Variants in KIF26B observed in about 807,000 individuals in gnomAD.
KIF26B encodes the protein kinesin family member 26B.
A neutral mutation model predicts 151.2 loss-of-function variants in KIF26B; 63 were observed. That is an observed-to-expected ratio of 0.42 (90% CI 0.34 to 0.51). The LOEUF (loss-of-function observed/expected upper bound fraction) is 0.51. Among genes scored for constraint, KIF26B ranks in the 20% least tolerant of loss-of-function variants. KIF26B has a pLI of 0.07. For synonymous variants in KIF26B, 1,357 were observed against 1,262.1 expected, an observed-to-expected ratio of 1.08 and a Z score of -1.59; for missense variants, 2,813 against 2,913.6, an observed-to-expected ratio of 0.97 and a Z score of 0.79.
In KIF26B at chr1:245,687,912, C is replaced by T. The variant is rs1195658209; in HGVS notation, c.4929C>T (p.Gly1643=). 2.5e-6 allele frequency: 4 copies of T among 1,593,232 alleles called. No individual in the cohort carries two copies. The highest frequency in any genetic ancestry group is 1.1e-5 in the South Asian group (1 of 87,498). ...FPAGLPDEPS[G]KTKDASSSSK... is the part of the protein sequence containing the mutation. Reference sequence around the variant, plus strand: ...CGGGCCTCCCAGACGAGCCTAGCGGCAAGACGAAGGACGCCAGCAGCAGCA... The same window carrying T: ...CGGGCCTCCCAGACGAGCCTAGCGGTAAGACGAAGGACGCCAGCAGCAGCA... Residue 1643 remains glycine (G), a synonymous_variant, in exon 12 of 15, where the codon GGC becomes GGT. Transcript: ENST00000407071. This position sits in a 1 kb window ranked among gnomAD's most constrained non-coding sequence, Gnocchi z 4.9.
At chr1:245,682,944 C>T (rs1024907991) in intron 10 of KIF26B, among the ~76,000 whole-genome samples, 7 of 152,190 alleles carry the variant, frequency 4.6e-5, no homozygotes, top group East Asian at 3.8e-4. Context: ...TCCCTTACCT[C>T]GCCACGTTCA....
At chr1:245,204,653 C>T (rs979875786) in intron 2 of KIF26B, among the ~76,000 whole-genome samples, 3 of 152,044 alleles carry the variant, frequency 2.0e-5, no homozygotes, top group African/African-American at 2.4e-5. Context: ...GGATTACAGG[C>T]GTGAGCCACC....
chr1:245,638,365 C>G (rs2153601), intron 9 of KIF26B, among the ~76,000 whole-genome samples: 1 of 151,834 alleles, frequency 6.6e-6, no homozygotes, highest in East Asian at 1.9e-4. Context: ...TTTATCAGTT[C>G]TAAAAGTTTT....
rs902351567 is a variant in KIF26B at position 245,601,246 on chromosome 1, C to T, written c.1351-1331C>T. On this transcript the variant is annotated intron_variant, in intron 5 of 14. Transcript: ENST00000407071. This position sits in a 1 kb window ranked among gnomAD's most constrained non-coding sequence, Gnocchi z 4.4. Reference sequence around the variant, plus strand: ...TTCTTAAGTTAGAAGGCAAGCACAGCGGGGACACGGTGCAGGACACCTGCG... The same window carrying T: ...TTCTTAAGTTAGAAGGCAAGCACAGTGGGGACACGGTGCAGGACACCTGCG... 6.6e-6 allele frequency among the ~76,000 whole-genome samples: 1 copy of T among 152,128 alleles called. No individual in the cohort carries two copies. The highest frequency in any genetic ancestry group is 1.5e-5 in the Non-Finnish European group (1 of 68,020).
intron 9 of KIF26B, among the ~76,000 whole-genome samples, chr1:245,633,289 T>G (rs1370563756): frequency 6.6e-6 from 1 of 151,772 alleles, no homozygotes; most frequent in East Asian, 1.9e-4. Context: ...TCTTTTTTTT[T>G]TTTTTAAATA....
intron 4 of KIF26B, among the ~76,000 whole-genome samples, chr1:245,471,131 G>GTGTACA (rs138483670): frequency 6.7e-6 from 1 of 149,334 alleles, no homozygotes; most frequent in Non-Finnish European, 1.5e-5. Flanking sequence ...GTGTGTGTGT[G>GTGTACA]TATATATATA....
At chr1:245,542,330 G>GCCACAT (rs1299070610) in intron 5 of KIF26B, among the ~76,000 whole-genome samples, 1 of 152,254 alleles carries the variant, frequency 6.6e-6, no homozygotes, top group South Asian at 2.1e-4. Context: ...TCTAGCCTGG[G>GCCACAT]CCACAGAGTG....
intron 4 of KIF26B, among the ~76,000 whole-genome samples, chr1:245,489,807 C>G (rs2103073242): frequency 6.6e-6 from 1 of 152,278 alleles, no homozygotes; most frequent in African/African-American, 2.4e-5. Flanking sequence ...TTCTACTATT[C>G]ACAATAATAG....
intron 7 of KIF26B, 69 bp downstream of exon 7, chr1:245,607,813 C>T: frequency 8.0e-7 from 1 of 1,243,978 alleles, no homozygotes; most frequent in Admixed American, 2.0e-5. Flanking sequence ...TCCTCTGTCT[C>T]CCTCCCAGAG....
chr1:245,341,530 C>T lies in KIF26B; in HGVS notation c.466-25304C>T, dbSNP rs544561025. On this transcript the variant is annotated intron_variant, in intron 2 of 14. Coordinates refer to ENST00000407071, the MANE Select transcript of KIF26B (RefSeq NM_018012.4). ...AGAGACAAGATCTCACTAGGTTGCC[C>T]GGGCTGGTCTCAAACTCCTGGGCTC... 7.0e-4 allele frequency among the ~76,000 whole-genome samples: 106 copies of T among 152,010 alleles called. No homozygotes were observed. The South Asian group carries it at 0.02, about 29-fold the overall frequency.
At chr1:245,420,061 G>A (rs930094877) in intron 4 of KIF26B, among the ~76,000 whole-genome samples, 8 of 152,134 alleles carry the variant, frequency 5.3e-5, no homozygotes, top group East Asian at 1.9e-4. Flanking sequence ...GTCGAGAGTC[G>A]CTGCTCTCTT....
At chr1:245,402,376 T>C (rs482212) in intron 3 of KIF26B, among the ~76,000 whole-genome samples, 82,669 of 152,062 alleles carry the variant, frequency 0.54, 23,296 homozygotes, top group South Asian at 0.69. Context: ...GCAGGCTCGC[T>C]GGATACAGAG....
intron 2 of KIF26B, among the ~76,000 whole-genome samples, chr1:245,162,375 C>CTTTTTTTTTTTTT (rs138853411): frequency 1.3e-5 from 1 of 76,494 alleles, no homozygotes; most frequent in African/African-American, 5.1e-5. Flanking sequence ...TCAGAAATAT[C>CTTTTTTTTTTTTT]TTTTTTTTTT....
At chr1:245,648,390 T>TA (rs1269864155) in intron 10 of KIF26B, among the ~76,000 whole-genome samples, 2 of 152,172 alleles carry the variant, frequency 1.3e-5, no homozygotes, top group African/African-American at 4.8e-5. Flanking sequence ...GGCTCACACC[T>TA]ATATTCCTGG....
rs541761248 is a variant in KIF26B at position 245,688,303 on chromosome 1, C to T, written c.5320C>T (p.Pro1774Ser). 8.8e-6 allele frequency: 14 copies of T among 1,595,580 alleles called. 1 individual carries two copies. Among genetic ancestry groups the T allele is most frequent in the South Asian group, 7.7e-5 (7 of 90,496 alleles). ...PQAVGQGSSS[P>S]PGGKHTPWST... Reference sequence around the variant, plus strand: ...GGCGGTGGGCCAGGGCTCCAGCTCGCCCCCCGGTGGGAAGCACACGCCCTG... The same window carrying T: ...GGCGGTGGGCCAGGGCTCCAGCTCGTCCCCCGGTGGGAAGCACACGCCCTG... Residue 1774 changes from proline to serine, a missense_variant, in exon 12 of 15, where the codon CCC becomes TCC. By Grantham distance (74) the Pro-to-Ser change is moderately conservative (BLOSUM62 -1). This residue lies in a region of KIF26B where 2,060 missense variants were observed against 2,088.6 expected (regional missense o/e 0.99). Coordinates refer to ENST00000407071, the MANE Select transcript of KIF26B (RefSeq NM_018012.4).
At chr1:245,679,449 T>TGG (rs1222008488) in intron 10 of KIF26B, among the ~76,000 whole-genome samples, 2 of 102,444 alleles carry the variant, frequency 2.0e-5, no homozygotes, top group Admixed American at 1.2e-4. Context: ...TGTGTTTTTT[T>TGG]TGTGTGTGTT....
chr1:245,705,751 G>A lies in KIF26B; in HGVS notation c.*3145G>A, dbSNP rs114356005. On this transcript the variant is annotated 3_prime_UTR_variant, in exon 15 of 15. Coordinates refer to ENST00000407071, the MANE Select transcript of KIF26B (RefSeq NM_018012.4). The stretch of plus-strand genomic sequence containing the variant: ...CGGTGGTGCTATTGTGTCCCTGGGA[G>A]TCACTCCACGTCGCATTGCACGGTG... The A allele has an allele frequency of 2.0e-5, 3 of 152,314 alleles. No individual in the cohort carries two copies. The highest frequency in any genetic ancestry group is 4.4e-5 in the Non-Finnish European group (3 of 68,040). The allele number at this position is 152,314 out of a possible 1,614,324, so 9.4% of individuals were successfully genotyped here.
chr1:245,504,811 G>A (rs1022175027), intron 4 of KIF26B, among the ~76,000 whole-genome samples: 3 of 152,062 alleles, frequency 2.0e-5, no homozygotes, highest in Non-Finnish European at 4.4e-5. Context: ...CTGTCTCCTC[G>A]TAGAAAGCAG....
chr1:245,535,575 C>T (rs1661472747), intron 4 of KIF26B, among the ~76,000 whole-genome samples: 1 of 152,124 alleles, frequency 6.6e-6, no homozygotes, highest in Non-Finnish European at 1.5e-5. Flanking sequence ...AGTTTTCTAC[C>T]CACCATTTGG....
Sources: allele counts gnomAD v4.1 joint callset (sites outside exome capture counted in the v4.1 genomes callset), GRCh38; gene constraint gnomAD v4.1.1; regional missense constraint gnomAD v4.1.1; non-coding constraint Gnocchi (gnomAD v3.1); transcripts MANE v1.5; gene names NCBI Gene and HGNC (gene_info 2026-07-23, HGNC 2026-07-21).